AIG1: variants seen among roughly 807,000 people sequenced by gnomAD.
AIG1 encodes androgen induced 1, also known as androgen-induced gene 1 protein.
In AIG1, 23 loss-of-function variants were observed where a neutral mutation model predicts 31.4. That is an observed-to-expected ratio of 0.73 (90% CI 0.53 to 1.04). AIG1 has a LOEUF of 1.04. AIG1 is among the 50% of genes least tolerant of loss of function. The probability of loss-of-function intolerance (pLI) is 0.00; values close to 1 mark genes in which losing one functional copy is unlikely to be tolerated. For missense variants in AIG1, 274 were observed against 295.0 expected (o/e 0.93, Z 0.52); for synonymous variants, 100 against 110.5 (o/e 0.90, Z 0.60).
chr6:143,322,891 G>A (rs6937858), intron 4 of AIG1, among the ~76,000 whole-genome samples: 20,110 of 152,124 alleles, frequency 0.13, 1,573 homozygotes, highest in East Asian at 0.36. Context: ...GAGAAGTACA[G>A]AAAAATATTA....
intron 3 of AIG1, among the ~76,000 whole-genome samples, chr6:143,281,649 G>A (rs1797347723): frequency 1.3e-5 from 2 of 152,108 alleles, no homozygotes; most frequent in Admixed American, 1.3e-4. Context: ...TTATCTGTAA[G>A]GCAACATTTA....
At chr6:143,103,327 G>T (rs955882792) in intron 1 of AIG1, among the ~76,000 whole-genome samples, 3 of 151,970 alleles carry the variant, frequency 2.0e-5, no homozygotes, top group Admixed American at 6.6e-5. Flanking sequence ...AGGTAACATT[G>T]ATTAGCTAAA....
intron 1 of AIG1, among the ~76,000 whole-genome samples, chr6:143,129,718 T>C (rs1158567222): frequency 3.9e-5 from 6 of 152,264 alleles, no homozygotes; most frequent in South Asian, 2.1e-4. Context: ...TTTAAGTCTT[T>C]ATAAAAGCAA....
intron 3 of AIG1, among the ~76,000 whole-genome samples, chr6:143,177,957 A>G (rs1302050978): frequency 6.6e-6 from 1 of 152,062 alleles, no homozygotes; most frequent in Non-Finnish European, 1.5e-5. Context: ...TTTGCTCTGG[A>G]GGGAGCAGGT....
At chr6:143,064,802 A>G (rs146936673) in intron 1 of AIG1, among the ~76,000 whole-genome samples, 1 of 152,344 alleles carries the variant, frequency 6.6e-6, no homozygotes, top group Non-Finnish European at 1.5e-5. Flanking sequence ...ATTTGTAAAG[A>G]CTGGACTGTC....
chr6:143,082,070 C>G (rs1204661954), intron 1 of AIG1, among the ~76,000 whole-genome samples: 5 of 152,116 alleles, frequency 3.3e-5, no homozygotes, highest in Admixed American at 3.3e-4. Flanking sequence ...TACGTGTTCC[C>G]TCGGAAGTTA....
chr6:143,188,118 G>GA (rs1163339852), intron 3 of AIG1: 1 of 1,008,478 alleles, frequency 9.9e-7, no homozygotes, highest in African/African-American at 1.7e-5. Flanking sequence ...TAAAATGAAG[G>GA]ATAAGCCGCA....
chr6:143,159,615 T>A (rs928781035), intron 2 of AIG1, among the ~76,000 whole-genome samples: 1 of 152,238 alleles, frequency 6.6e-6, no homozygotes, highest in African/African-American at 2.4e-5. Flanking sequence ...AGAAACTGAT[T>A]GTCCTCTGGA....
At chr6:143,306,073 G>C (rs1233013063) in intron 4 of AIG1, among the ~76,000 whole-genome samples, 2 of 147,540 alleles carry the variant, frequency 1.4e-5, no homozygotes, top group Non-Finnish European at 3.0e-5. Context: ...TTTTCCATTT[G>C]CTTGGTAGAT....
chr6:143,314,333 G>A (rs1474474683), intron 4 of AIG1, among the ~76,000 whole-genome samples: 2 of 151,868 alleles, frequency 1.3e-5, no homozygotes, highest in African/African-American at 4.8e-5. Context: ...CAGCCTGGGT[G>A]ACAGAGTGAG....
chr6:143,262,933 A>G (rs1357636572), intron 3 of AIG1, among the ~76,000 whole-genome samples: 1 of 152,164 alleles, frequency 6.6e-6, no homozygotes, highest in Non-Finnish European at 1.5e-5. Context: ...CCTCAAATAA[A>G]TCTGCATAGC....
At chr6:143,137,114 G>T in intron 2 of AIG1, 124 bp downstream of exon 2, 8 of 1,065,858 alleles carry the variant, frequency 7.5e-6, no homozygotes, top group Non-Finnish European at 9.9e-6. Flanking sequence ...GGAGCTGTCA[G>T]TACCACAGAT....
intron 1 of AIG1, among the ~76,000 whole-genome samples, chr6:143,124,754 G>T (rs1263934568): frequency 6.6e-6 from 1 of 152,132 alleles, no homozygotes; most frequent in Non-Finnish European, 1.5e-5. Context: ...TTACAGGGTG[G>T]CAGGACAGGA....
intron 1 of AIG1, 52 bp from the exon 2 acceptor site, chr6:143,136,783 A>G (rs1783792669): frequency 7.6e-7 from 1 of 1,313,088 alleles, no homozygotes; most frequent in Non-Finnish European, 9.8e-7. Flanking sequence ...GCTGTTCCAC[A>G]GCTTGGGTCT....
intron 4 of AIG1, among the ~76,000 whole-genome samples, chr6:143,294,239 TC>T (rs1442464538): frequency 6.6e-6 from 1 of 152,208 alleles, no homozygotes. Flanking sequence ...CACACTGTAG[TC>T]CTAGTCTCCA....
intron 3 of AIG1, among the ~76,000 whole-genome samples, chr6:143,223,144 A>G (rs1340577945): frequency 6.6e-6 from 1 of 152,200 alleles, no homozygotes; most frequent in Non-Finnish European, 1.5e-5. Context: ...GCCTCTGTCT[A>G]GCAGACCCAC....
chr6:143,121,924 A>G (rs1434176973), intron 1 of AIG1, among the ~76,000 whole-genome samples: 1 of 152,204 alleles, frequency 6.6e-6, no homozygotes, highest in East Asian at 1.9e-4. Context: ...GTAAAATTTA[A>G]TATACTTCCT....
intron 3 of AIG1, among the ~76,000 whole-genome samples, chr6:143,242,759 A>C (rs922213720): frequency 1.3e-5 from 2 of 152,242 alleles, no homozygotes; most frequent in African/African-American, 4.8e-5. Flanking sequence ...AAATCCAAGA[A>C]AGATAAACTT....
rs1332229490 is a variant in AIG1 at position 143,333,217 on chromosome 6, T to C, written c.516-65T>C. The C allele has an allele frequency of 1.4e-6, 2 of 1,457,884 alleles. No homozygotes were observed. Among genetic ancestry groups the C allele is most frequent in the East Asian group, 4.9e-5 (2 of 40,408 alleles). 90.3% of individuals were successfully genotyped at this position (1,457,884 alleles called of 1,614,324 possible). On this transcript the variant is annotated intron_variant, in intron 4 of 5. Coordinates refer to ENST00000357847, the MANE Select transcript of AIG1 (RefSeq NM_016108.4). The surrounding 1 kb of genome is among the most constrained non-coding windows in gnomAD (Gnocchi z 4.6). ...AGTGAGGGAGTGTATATTTGCATCA[T>C]AGCAGCTTTGATGCCTGCCATAAGA...
Sources: allele counts gnomAD v4.1 joint callset (sites outside exome capture counted in the v4.1 genomes callset), GRCh38; gene constraint gnomAD v4.1.1; non-coding constraint Gnocchi (gnomAD v3.1); transcripts MANE v1.5; gene names NCBI Gene and HGNC (gene_info 2026-07-23, HGNC 2026-07-21).